SLC35F4: variants seen among roughly 807,000 people sequenced by gnomAD.
The protein encoded by SLC35F4 is chromosome 14 open reading frame 36.
SLC35F4 carries 24 observed loss-of-function variants against 44.2 expected under a neutral mutation model. The observed-to-expected ratio is 0.54, with a 90% CI of 0.39 to 0.76. The LOEUF (loss-of-function observed/expected upper bound fraction) is 0.76. Among genes scored for constraint, SLC35F4 ranks in the 30% least tolerant of loss-of-function variants. The pLI is 0.00. For synonymous variants in SLC35F4, 238 were observed against 223.6 expected, an observed-to-expected ratio of 1.06 and a Z score of -0.57; for missense variants, 562 against 586.1, an observed-to-expected ratio of 0.96 and a Z score of 0.42.
chr14:57,747,474 TAAAGA>T lies in SLC35F4; in HGVS notation c.103+118244_103+118248del, dbSNP rs536415607. On this transcript the variant is annotated intron_variant, in intron 1 of 7. Coordinates refer to ENST00000556826, the MANE Select transcript of SLC35F4 (RefSeq NM_001306087.2). ...AAACATTTCAAATAGGATGCAAGAG[TAAAGA>T]AAAGGGTATGATGAACCCCCAGTAT... 1.2e-3 allele frequency among the ~76,000 whole-genome samples: 175 copies of T among 152,096 alleles called. 1 individual carries two copies. Among genetic ancestry groups the T allele is most frequent in the Non-Finnish European group, 9.9e-4 (67 of 67,976 alleles).
chr14:57,864,041 T>C (rs1344400020), intron 1 of SLC35F4, among the ~76,000 whole-genome samples: 3 of 152,208 alleles, frequency 2.0e-5, no homozygotes, highest in Non-Finnish European at 4.4e-5. Context: ...AAATGTCACT[T>C]TTTCAGTATT....
intron 5 of SLC35F4, among the ~76,000 whole-genome samples, chr14:57,571,234 CTCACT>C (rs2068486450): frequency 6.6e-6 from 1 of 152,130 alleles, no homozygotes; most frequent in Non-Finnish European, 1.5e-5. Context: ...TCTCTTAGTG[CTCACT>C]TCTGAAGTCA....
At chr14:57,875,643 C>T (rs1888383627) in intron 1 of SLC35F4, among the ~76,000 whole-genome samples, 1 of 152,182 alleles carries the variant, frequency 6.6e-6, no homozygotes, top group Non-Finnish European at 1.5e-5. Context: ...TCAGTCCAGG[C>T]TTATTCATGA....
intron 4 of SLC35F4, among the ~76,000 whole-genome samples, chr14:57,578,277 A>G (rs960964214): frequency 6.7e-6 from 1 of 148,410 alleles, no homozygotes; most frequent in Middle Eastern, 3.6e-3. Context: ...TTTAGCATGA[A>G]CTAGAAATAT....
intron 1 of SLC35F4, among the ~76,000 whole-genome samples, chr14:57,810,729 C>A (rs923986233): frequency 6.6e-6 from 1 of 152,200 alleles, no homozygotes; most frequent in African/African-American, 2.4e-5. Context: ...TGCAAAAAGG[C>A]CAGGCCTTAG....
rs903874510 is a variant in SLC35F4, at chr14:57,642,823, A to G, written c.104-48699T>C. On this transcript the variant is annotated intron_variant, in intron 1 of 7. Transcript: ENST00000556826. ...ATTCAGATTTTTACCAACTAAAATA[A>G]GAAAAAAATGTCAATTTAAATAAAA... Among the ~76,000 whole-genome samples, 4 of 152,034 alleles carry G rather than the reference A, an allele frequency of 2.6e-5. No individual in the cohort carries two copies. In the East Asian group the frequency reaches 7.7e-4, roughly 29 times the overall value.
chr14:57,656,438 G>A (rs888879097), intron 1 of SLC35F4, among the ~76,000 whole-genome samples: 1 of 151,264 alleles, frequency 6.6e-6, no homozygotes, highest in Non-Finnish European at 1.5e-5. Context: ...ACACGTATAT[G>A]TGCTCAGAGG....
chr14:57,635,692 G>C (rs1230102061), intron 1 of SLC35F4, among the ~76,000 whole-genome samples: 1 of 151,994 alleles, frequency 6.6e-6, no homozygotes, highest in African/African-American at 2.4e-5. Context: ...ATTCAGGAAG[G>C]CCTCAAGAAT....
chr14:57,579,749 G>C (rs2069108235), intron 4 of SLC35F4, among the ~76,000 whole-genome samples: 1 of 152,196 alleles, frequency 6.6e-6, no homozygotes, highest in African/African-American at 2.4e-5. Flanking sequence ...GACATTGGAA[G>C]TAGAGACAGC....
intron 1 of SLC35F4, among the ~76,000 whole-genome samples, chr14:57,925,966 T>C (rs1889561400): frequency 6.6e-6 from 1 of 152,206 alleles, no homozygotes; most frequent in Admixed American, 6.5e-5. Flanking sequence ...AGAGACAGTA[T>C]GGCATACACA....
intron 1 of SLC35F4, among the ~76,000 whole-genome samples, chr14:57,949,395 C>T (rs559447968): frequency 6.6e-6 from 1 of 152,272 alleles, no homozygotes; most frequent in South Asian, 2.1e-4. Context: ...TCTCTCCACC[C>T]CTTTACCTTA....
chr14:57,982,479 G>T (rs1370515286), upstream of SLC35F4, among the ~76,000 whole-genome samples: 1 of 152,144 alleles, frequency 6.6e-6, no homozygotes, highest in Non-Finnish European at 1.5e-5. Flanking sequence ...TGTTGAGGAA[G>T]GGTTGTTCTA....
intron 1 of SLC35F4, among the ~76,000 whole-genome samples, chr14:57,645,778 T>C (rs1005169952): frequency 6.6e-6 from 1 of 151,380 alleles, no homozygotes; most frequent in Admixed American, 6.6e-5. Context: ...ATAGCTCCTA[T>C]TATTTTGAGA....
chr14:57,981,300 T>A (rs1428711836), intron 1 of SLC35F4, among the ~76,000 whole-genome samples: 6 of 152,190 alleles, frequency 3.9e-5, no homozygotes, highest in Admixed American at 3.9e-4. Flanking sequence ...ATAACATTGC[T>A]CTGATTCGAC....
At chr14:57,932,383 A>T (rs1342027463) in intron 1 of SLC35F4, among the ~76,000 whole-genome samples, 4 of 152,200 alleles carry the variant, frequency 2.6e-5, no homozygotes, top group Non-Finnish European at 5.9e-5. Flanking sequence ...CTAATTAGGC[A>T]ACCTGATTTT....
At chr14:57,766,753 G>A (rs937338208) in intron 1 of SLC35F4, among the ~76,000 whole-genome samples, 2 of 152,070 alleles carry the variant, frequency 1.3e-5, no homozygotes, top group East Asian at 1.9e-4. Context: ...AATTCAAGCA[G>A]AATTAAAAGT....
chr14:57,660,503 G>A (rs73303900), intron 1 of SLC35F4, among the ~76,000 whole-genome samples: 3,882 of 148,200 alleles, frequency 0.026, 162 homozygotes, highest in African/African-American at 0.089. Context: ...CTGTGTCCTG[G>A]TGTTCATGCC....
At chr14:57,800,035 C>T (rs996372644) in intron 1 of SLC35F4, among the ~76,000 whole-genome samples, 2 of 152,220 alleles carry the variant, frequency 1.3e-5, no homozygotes, top group Non-Finnish European at 2.9e-5. Context: ...TAAGCCGGAC[C>T]CCAATCCCAT....
At chr14:57,630,519 G>T (rs1202349133) in intron 1 of SLC35F4, 17 of 1,123,472 alleles carry the variant, frequency 1.5e-5, no homozygotes, top group Non-Finnish European at 2.7e-6. Flanking sequence ...AAAACTAGAG[G>T]CACCTCAAAA....
Sources: allele counts gnomAD v4.1 joint callset (sites outside exome capture counted in the v4.1 genomes callset), GRCh38; gene constraint gnomAD v4.1.1; transcripts MANE v1.5; gene names NCBI Gene and HGNC (gene_info 2026-07-23, HGNC 2026-07-21).